The following EFR3B variants were observed in gnomAD, a reference collection of about 807,000 sequenced individuals.
EFR3B encodes protein EFR3 homolog B.
Under a neutral mutation model 104.7 loss-of-function variants are expected in EFR3B, and 64 were observed. That is an observed-to-expected ratio of 0.61 (90% CI 0.50 to 0.75). The LOEUF (loss-of-function observed/expected upper bound fraction) is 0.75, where lower values mean the gene tolerates loss of function less well. Among genes scored for constraint, EFR3B ranks in the 30% least tolerant of loss-of-function variants. EFR3B has a pLI of 0.00. For synonymous variants in EFR3B, 385 were observed against 417.9 expected (o/e 0.92, Z 0.96); for missense variants, 750 against 1,078.5 (o/e 0.70, Z 4.27).
At chr2:25,093,430 G>A (rs1159881665) in intron 3 of EFR3B, among the ~76,000 whole-genome samples, 2 of 151,914 alleles carry the variant, frequency 1.3e-5, no homozygotes, top group African/African-American at 4.8e-5. Context: ...GAAGGTCGAG[G>A]CTGCAGGGAA....
chr2:25,111,728 A>C (rs902124392), intron 4 of EFR3B, among the ~76,000 whole-genome samples: 4 of 152,178 alleles, frequency 2.6e-5, no homozygotes, highest in Non-Finnish European at 5.9e-5. Flanking sequence ...AGGGGACGTG[A>C]TGATGGAAGC....
chr2:25,154,231 CT>C lies in EFR3B; in HGVS notation c.2349-3del. On this transcript the variant is annotated splice_polypyrimidine_tract_variant and splice_region_variant and intron_variant, in intron 22 of 22. Coordinates refer to ENST00000403714, the MANE Select transcript of EFR3B (RefSeq NM_014971.2). This position sits in a 1 kb window ranked among gnomAD's most constrained non-coding sequence, Gnocchi z 4.1. Reference sequence around the variant, plus strand: ...CTTTCTCCCCATGTGTTCCTGCCCCCTAGGCCCCCACCAAGCCCATCAGGAA... The same window carrying C: ...CTTTCTCCCCATGTGTTCCTGCCCCCAGGCCCCCACCAAGCCCATCAGGAA... 2 of 1,551,706 alleles carry C rather than the reference CT, an allele frequency of 1.3e-6. No individual in the cohort carries two copies. Among genetic ancestry groups the C allele is most frequent in the Non-Finnish European group, 1.7e-6 (2 of 1,146,946 alleles).
intron 1 of EFR3B, among the ~76,000 whole-genome samples, chr2:25,043,152 T>C (rs1015537508): frequency 6.6e-6 from 1 of 152,118 alleles, no homozygotes; most frequent in East Asian, 1.9e-4. Context: ...ATGGACTGCA[T>C]TCCTGAGCCT....
At chr2:25,047,753 G>A (rs184893510) in intron 1 of EFR3B, among the ~76,000 whole-genome samples, 38 of 152,194 alleles carry the variant, frequency 2.5e-4, no homozygotes, top group African/African-American at 8.9e-4. Flanking sequence ...GCTCACCTTG[G>A]CCTCCCAAAG....
intron 4 of EFR3B, among the ~76,000 whole-genome samples, chr2:25,117,284 A>G (rs1168322350): frequency 6.6e-6 from 1 of 152,116 alleles, no homozygotes. Context: ...GGACAGACTC[A>G]GCATGTCTGG....
At chr2:25,080,518 C>G (rs1668771969) in intron 1 of EFR3B, 1 of 480,890 alleles carries the variant, frequency 2.1e-6, no homozygotes, top group Non-Finnish European at 3.7e-6. Flanking sequence ...TGTTCTTGAC[C>G]TCCTGACCTC....
rs1671096201 is a variant in EFR3B, at chr2:25,154,123, C to G, written c.2349-112C>G. The G allele has an allele frequency of 3.3e-6, 3 of 902,790 alleles. No homozygotes were observed. Among genetic ancestry groups the G allele is most frequent in the Non-Finnish European group, 5.1e-6 (3 of 584,464 alleles). The allele number at this position is 902,790 out of a possible 1,614,324, so 55.9% of individuals were successfully genotyped here. ...GGGAACCTGTGGAATGAAGGGGTCT[C>G]TGGTGCCTGTGCAAAAAGAAACCCA... On this transcript the variant is annotated intron_variant, in intron 22 of 22. Transcript: ENST00000403714. The surrounding 1 kb of genome is among the most constrained non-coding windows in gnomAD (Gnocchi z 4.1).
At chr2:25,084,271 C>CT (rs1668888095) in intron 1 of EFR3B, among the ~76,000 whole-genome samples, 1 of 151,904 alleles carries the variant, frequency 6.6e-6, no homozygotes, top group Non-Finnish European at 1.5e-5. Flanking sequence ...GAGTCTCACT[C>CT]TGTCACCCAG....
At position 25,137,761 on chromosome 2, in the gene EFR3B, TC is replaced by T. The variant is rs1322721001; in HGVS notation, c.1722+262del. Among the ~76,000 whole-genome samples, 1 of 152,116 alleles carries T rather than the reference TC, an allele frequency of 6.6e-6. No individual in the cohort carries two copies. The highest frequency in any genetic ancestry group is 1.5e-5 in the Non-Finnish European group (1 of 68,016). Reference sequence around the variant, plus strand: ...CAGGGAACCGGGTCGTTCAGAAACATCCCTTAGCTACTACATGTCAAGTCTC... The same window carrying T: ...CAGGGAACCGGGTCGTTCAGAAACATCCTTAGCTACTACATGTCAAGTCTC... On this transcript the variant is annotated intron_variant, in intron 15 of 22. Transcript: ENST00000403714. The surrounding 1 kb of genome is among the most constrained non-coding windows in gnomAD (Gnocchi z 4.7).
chr2:25,093,339 T>C (rs1009039411), intron 3 of EFR3B, among the ~76,000 whole-genome samples: 1 of 151,774 alleles, frequency 6.6e-6, no homozygotes, highest in African/African-American at 2.4e-5. Context: ...ACAAAAAATT[T>C]AAAAATTAGC....
chr2:25,057,198 A>G (rs1668044773), intron 1 of EFR3B, among the ~76,000 whole-genome samples: 1 of 152,192 alleles, frequency 6.6e-6, no homozygotes, highest in Non-Finnish European at 1.5e-5. Flanking sequence ...TGTCTGTTGT[A>G]GAGGTCCTGT....
intron 1 of EFR3B, among the ~76,000 whole-genome samples, chr2:25,065,330 A>C (rs1668303378): frequency 6.8e-6 from 1 of 147,746 alleles, no homozygotes; most frequent in Non-Finnish European, 1.5e-5. Context: ...ACAGGTGCGC[A>C]TCACCACACC....
At chr2:25,055,418 T>C (rs978266343) in intron 1 of EFR3B, among the ~76,000 whole-genome samples, 1 of 152,190 alleles carries the variant, frequency 6.6e-6, no homozygotes, top group Non-Finnish European at 1.5e-5. Flanking sequence ...ATGTCCTTTA[T>C]CCTGACCGAG....
intron 1 of EFR3B, among the ~76,000 whole-genome samples, chr2:25,083,811 T>C (rs1415400242): frequency 1.3e-5 from 2 of 152,180 alleles, no homozygotes; most frequent in Admixed American, 6.5e-5. Context: ...GCTCTGGTGG[T>C]TTGCAGACTC....
At position 25,129,914 on chromosome 2, in the gene EFR3B, TG is replaced by T. The variant is rs1670282150; in HGVS notation, c.636-60del. ...TGGATGAAACACGGAAAGCCGGGAT[TG>T]TACAGAGCCTGACCCCAGCCTGCAT... On this transcript the variant is annotated intron_variant, in intron 6 of 22. Coordinates refer to ENST00000403714, the MANE Select transcript of EFR3B (RefSeq NM_014971.2). 136 of 1,532,388 alleles carry T rather than the reference TG, an allele frequency of 8.9e-5. No individual in the cohort carries two copies. In the South Asian group the frequency reaches 1.5e-3, roughly 17 times the overall value. 94.9% of individuals were successfully genotyped at this position (1,532,388 alleles called of 1,614,324 possible).
intron 3 of EFR3B, among the ~76,000 whole-genome samples, chr2:25,102,996 T>C (rs1669465467): frequency 6.6e-6 from 1 of 152,192 alleles, no homozygotes; most frequent in Non-Finnish European, 1.5e-5. Context: ...TACCTGCAAA[T>C]TTTCTATTCC....
intron 3 of EFR3B, among the ~76,000 whole-genome samples, chr2:25,095,098 A>G (rs575524159): frequency 6.6e-6 from 1 of 152,226 alleles, no homozygotes; most frequent in Non-Finnish European, 1.5e-5. Flanking sequence ...GCCCCAAGGA[A>G]TCAATCTTAA....
chr2:25,067,440 G>GT (rs926629409), intron 1 of EFR3B, among the ~76,000 whole-genome samples: 1 of 129,118 alleles, frequency 7.7e-6, no homozygotes, highest in African/African-American at 3.0e-5. Flanking sequence ...TTTTTTTTTT[G>GT]TTTTTTGTTT....
In EFR3B at chr2:25,042,393, C is replaced by G; in HGVS notation, c.7+74C>G. The G allele has an allele frequency of 2.4e-6, 3 of 1,230,264 alleles. No individual in the cohort carries two copies. Among genetic ancestry groups the G allele is most frequent in the Non-Finnish European group, 3.0e-6 (3 of 985,404 alleles). The allele number at this position is 1,230,264 out of a possible 1,614,324, so 76.2% of individuals were successfully genotyped here. A position where few individuals can be genotyped will look rare whatever the true frequency, so the allele number is the denominator to read the frequency against. ...AAACTTCCCCGGCGCGGACCATTGT[C>G]CCCCTGCACGGCCCTGGCGCGGGGC... is the stretch of plus-strand genomic sequence containing the variant. On this transcript the variant is annotated intron_variant, in intron 1 of 22. Coordinates refer to ENST00000403714, the MANE Select transcript of EFR3B (RefSeq NM_014971.2). The surrounding 1 kb of genome is among the most constrained non-coding windows in gnomAD (Gnocchi z 5.4).
Sources: allele counts gnomAD v4.1 joint callset (sites outside exome capture counted in the v4.1 genomes callset), GRCh38; gene constraint gnomAD v4.1.1; non-coding constraint Gnocchi (gnomAD v3.1); transcripts MANE v1.5; gene names NCBI Gene and HGNC (gene_info 2026-07-23, HGNC 2026-07-21).